Variants in S1PR2 observed in about 807,000 individuals in gnomAD.
S1PR2 encodes sphingosine 1-phosphate receptor 2.
A neutral mutation model predicts 16.1 loss-of-function variants in S1PR2; 9 were observed. The ratio of observed to expected loss-of-function variants is 0.56; its 90% CI spans 0.34 to 0.98. The LOEUF is 0.98. S1PR2 is among the 50% of genes least tolerant of loss of function. The pLI, the probability that S1PR2 is intolerant of heterozygous loss-of-function variation, is 0.02. For missense variants in S1PR2, 361 were observed against 488.4 expected (o/e 0.74, Z 2.46); for synonymous variants, 224 against 233.9 (o/e 0.96, Z 0.38).
In S1PR2 at chr19:10,224,534, C is replaced by T; in HGVS notation, c.372G>A (p.Leu124=). 1 of 1,613,854 alleles carries T rather than the reference C, an allele frequency of 6.2e-7. No individual in the cohort carries two copies. Among genetic ancestry groups the T allele is most frequent in the Non-Finnish European group, 8.5e-7 (1 of 1,180,050 alleles). The change falls in exon 2 of 2, where the codon CTG becomes CTA. Residue 124 remains leucine (L), a synonymous_variant. Coordinates refer to ENST00000646641, the MANE Select transcript of S1PR2 (RefSeq NM_004230.4). Reference sequence around the variant, plus strand: ...CCACGTGGCGCTCAATGGCGATGGCCAGGAGGCTGAAGACAGAGGCCGAGA... The same window carrying T: ...CCACGTGGCGCTCAATGGCGATGGCTAGGAGGCTGAAGACAGAGGCCGAGA... ...ITLSASVFSL[L]AIAIERHVAI... is the part of the protein sequence containing the mutation.
intron 1 of S1PR2, among the ~76,000 whole-genome samples, chr19:10,229,302 T>A (rs1048798108): frequency 1.5e-4 from 23 of 152,134 alleles, no homozygotes; most frequent in Middle Eastern, 3.4e-3. Context: ...AAAATTTTTT[T>A]TTTTTGAGAC....
At chr19:10,230,494 G>A (rs1039400180) in intron 1 of S1PR2, 1 of 154,574 alleles carries the variant, frequency 6.5e-6, no homozygotes, top group Non-Finnish European at 1.5e-5. Flanking sequence ...ATCTGACAAG[G>A]ACAGAGACAG....
chr19:10,223,184 A>C lies in S1PR2; in HGVS notation c.*660T>G. 1.0e-5 allele frequency: 1 copy of C among 95,818 alleles called. No individual in the cohort carries two copies. The highest frequency in any genetic ancestry group is 1.3e-4 in the Admixed American group (1 of 7,622). The allele number at this position is 95,818 out of a possible 1,614,324, so 5.9% of individuals were successfully genotyped here. A position where few individuals can be genotyped will look rare whatever the true frequency, so the allele number is the denominator to read the frequency against. ...ACTTCATCTCAAAAAAAAAAAAAAA[A>C]AAAAAAAAAAAAAAAAAAAAAGCCG... is the stretch of plus-strand genomic sequence containing the variant. On this transcript the variant is annotated 3_prime_UTR_variant, in exon 2 of 2. Coordinates refer to ENST00000646641, the MANE Select transcript of S1PR2 (RefSeq NM_004230.4).
At position 10,224,095 on chromosome 19, in the gene S1PR2, G is replaced by A. The variant is rs375937928; in HGVS notation, c.811C>T (p.His271Tyr). The change falls in exon 2 of 2, where the codon CAC (histidine) becomes TAC (tyrosine). Residue 271 changes from histidine to tyrosine, a missense_variant. By Grantham distance (83) the His-to-Tyr change is moderately conservative (BLOSUM62 2). Transcript: ENST00000646641. The part of the protein sequence containing the change: ...VHSCPILYKA[H>Y]YFFAVSTLNS... ...AGGGTGGAGACGGCGAAAAAGTAGT[G>A]GGCTTTGTAGAGGATCGGGCAGGAG... 1.9e-6 allele frequency: 3 copies of A among 1,605,796 alleles called. No individual in the cohort carries two copies. Among genetic ancestry groups the A allele is most frequent in the Non-Finnish European group, 2.5e-6 (3 of 1,180,000 alleles).
rs1221892668 is a variant in S1PR2, at chr19:10,230,874, C to A, written c.-43+330G>T. On this transcript the variant is annotated intron_variant, in intron 1 of 1. Transcript: ENST00000646641. ...AGCCAGGAGGGGTGTTGCCCCCCCC[C>A]AAACACACTCCCCAAGACCCCGGTC... Among the ~76,000 whole-genome samples, 3 of 152,180 alleles carry A rather than the reference C, an allele frequency of 2.0e-5. No homozygotes were observed. The South Asian group carries it at 6.2e-4, about 32-fold the overall frequency.
chr19:10,222,423 G>A lies in S1PR2; in HGVS notation c.*1421C>T, dbSNP rs752380059. 3.3e-5 allele frequency: 5 copies of A among 152,232 alleles called. No individual in the cohort carries two copies. The highest frequency in any genetic ancestry group is 6.6e-5 in the Admixed American group (1 of 15,236). 9.4% of individuals were successfully genotyped at this position (152,232 alleles called of 1,614,324 possible). A position where few individuals can be genotyped will look rare whatever the true frequency, so the allele number is the denominator to read the frequency against. On this transcript the variant is annotated 3_prime_UTR_variant, in exon 2 of 2. Coordinates refer to ENST00000646641, the MANE Select transcript of S1PR2 (RefSeq NM_004230.4). ...CAGGTGTGGAGCTGAGAATAGCTTG[G>A]GGGGTGGCTGTTTTTGAAAGGAGGG... is the stretch of plus-strand genomic sequence containing the variant.
At chr19:10,226,643 A>G (rs959928018) in intron 1 of S1PR2, among the ~76,000 whole-genome samples, 1 of 152,138 alleles carries the variant, frequency 6.6e-6, no homozygotes, top group African/African-American at 2.4e-5. Context: ...CCTGGGACAG[A>G]AGGTCCTGCC....
chr19:10,229,292 A>AG (rs200170566), intron 1 of S1PR2, among the ~76,000 whole-genome samples: 3,648 of 150,428 alleles, frequency 0.024, 131 homozygotes, highest in African/African-American at 0.086. Flanking sequence ...TCTCAAAAAA[A>AG]AAATTTTTTT....
rs1203730361 is a variant in S1PR2 at position 10,223,746 on chromosome 19, G to T, written c.*98C>A. 4.5e-6 allele frequency: 5 copies of T among 1,114,940 alleles called. No individual in the cohort carries two copies. The highest frequency in any genetic ancestry group is 6.4e-6 in the Non-Finnish European group (5 of 785,412). 69.1% of individuals were successfully genotyped at this position (1,114,940 alleles called of 1,614,324 possible). A position where few individuals can be genotyped will look rare whatever the true frequency, so the allele number is the denominator to read the frequency against. On this transcript the variant is annotated 3_prime_UTR_variant, in exon 2 of 2. Transcript: ENST00000646641. ...CATCACCCAGGTCTGTGGGGCGGGGGCATCTGGCTCAGTAGCCCCAAGTCT... is the reference window on the plus strand; with the variant it reads ...CATCACCCAGGTCTGTGGGGCGGGGTCATCTGGCTCAGTAGCCCCAAGTCT...
chr19:10,224,405 G>T lies in S1PR2; in HGVS notation c.501C>A (p.Ile167=). Residue 167 remains isoleucine, a synonymous_variant, in exon 2 of 2, where the codon ATC becomes ATA. Transcript: ENST00000646641. ...LISLVLGGLP[I]LGWNCLGHLE... is the part of the protein sequence containing the mutation. ...GGTGGCCCAGGCAGTTCCAGCCAAG[G>T]ATGGGCAGGCCACCGAGGACCAGCG... 2 of 1,613,812 alleles carry T rather than the reference G, an allele frequency of 1.2e-6. No homozygotes were observed. Among genetic ancestry groups the T allele is most frequent in the Non-Finnish European group, 1.7e-6 (2 of 1,180,028 alleles).
In S1PR2 at chr19:10,224,291, G is replaced by A. The variant is rs200948899; in HGVS notation, c.615C>T (p.Ile205=). The A allele has an allele frequency of 1.5e-5, 24 of 1,614,080 alleles. No homozygotes were observed. The highest frequency in any genetic ancestry group is 4.0e-5 in the African/African-American group (3 of 75,080). ...AGTAGATGCGCACGTACAGGGCCAC[G>A]ATGGCCAACAGGATGATGGAGAAGA... ...VTIFSIILLA[I]VALYVRIYCV... is the part of the protein sequence containing the mutation. Residue 205 remains isoleucine, a synonymous_variant, in exon 2 of 2, where the codon ATC becomes ATT. Coordinates refer to ENST00000646641, the MANE Select transcript of S1PR2 (RefSeq NM_004230.4).
At position 10,224,657 on chromosome 19, in the gene S1PR2, G is replaced by A. The variant is rs73922357; in HGVS notation, c.249C>T (p.Gly83=). The part of the protein sequence containing the change: ...GNLAASDLLA[G]VAFVANTLLS... ...GCAAGGTATTGGCTACGAAGGCCAC[G>A]CCTGCCAGTAGATCGGAGGCGGCCA... The change falls in exon 2 of 2, where the codon GGC becomes GGT. Residue 83 remains glycine (G), a synonymous_variant. Coordinates refer to ENST00000646641, the MANE Select transcript of S1PR2 (RefSeq NM_004230.4). 939 of 1,613,350 alleles carry A rather than the reference G, an allele frequency of 5.8e-4. 2 individuals carry two copies. In the African/African-American group the frequency reaches 0.01, roughly 18 times the overall value.
At chr19:10,230,243 C>G (rs2039663063) in intron 1 of S1PR2, among the ~76,000 whole-genome samples, 1 of 152,360 alleles carries the variant, frequency 6.6e-6, no homozygotes, top group Middle Eastern at 3.4e-3. Flanking sequence ...TCCACGCTCG[C>G]TCGCGCGGGA....
rs766020432 is a variant in S1PR2, at chr19:10,224,214, A to G, written c.692T>C (p.Leu231Pro). 8.1e-6 allele frequency: 13 copies of G among 1,612,986 alleles called. No individual in the cohort carries two copies. Among genetic ancestry groups the G allele is most frequent in the Non-Finnish European group, 1.1e-5 (13 of 1,180,038 alleles). The change falls in exon 2 of 2, where the codon CTG becomes CCG. Residue 231 changes from leucine (L) to proline (P), a missense_variant. Coordinates refer to ENST00000646641, the MANE Select transcript of S1PR2 (RefSeq NM_004230.4). ...TAGCACGATGGTGACCGTCTTGAGCAGGGCTAGCGTCTGCGGGGCGGCCAT... is the reference window on the plus strand; with the variant it reads ...TAGCACGATGGTGACCGTCTTGAGCGGGGCTAGCGTCTGCGGGGCGGCCAT... ...ADMAAPQTLA[L>P]LKTVTIVLGV...
intron 1 of S1PR2, among the ~76,000 whole-genome samples, chr19:10,229,057 A>G (rs1156781445): frequency 6.6e-6 from 1 of 151,934 alleles, no homozygotes; most frequent in Non-Finnish European, 1.5e-5. Flanking sequence ...TTCTCTACCA[A>G]GCAGCCAGGG....
intron 1 of S1PR2, among the ~76,000 whole-genome samples, chr19:10,230,880 C>T (rs2039672196): frequency 6.6e-6 from 1 of 152,114 alleles, no homozygotes. Flanking sequence ...CCCCCAAACA[C>T]ACTCCCCAAG....
chr19:10,223,807 C>T lies in S1PR2; in HGVS notation c.*37G>A, dbSNP rs560621469. The T allele has an allele frequency of 6.6e-7, 1 of 1,509,218 alleles. No individual in the cohort carries two copies. The highest frequency in any genetic ancestry group is 2.3e-5 in the Admixed American group (1 of 44,384). 93.5% of individuals were successfully genotyped at this position (1,509,218 alleles called of 1,614,324 possible). Reference sequence around the variant, plus strand: ...TCACCCAGTGGCCTCTCCATGAACCCCTCTGCCCTGGCCTGGTTGTTGGTC... The same window carrying T: ...TCACCCAGTGGCCTCTCCATGAACCTCTCTGCCCTGGCCTGGTTGTTGGTC... On this transcript the variant is annotated 3_prime_UTR_variant, in exon 2 of 2. Coordinates refer to ENST00000646641, the MANE Select transcript of S1PR2 (RefSeq NM_004230.4).
chr19:10,224,704 T>C lies in S1PR2; in HGVS notation c.202A>G (p.Met68Val). 1 of 1,613,998 alleles carries C rather than the reference T, an allele frequency of 6.2e-7. No individual in the cohort carries two copies. The highest frequency in any genetic ancestry group is 8.5e-7 in the Non-Finnish European group (1 of 1,179,848). ...GCCAGGTTGCCCAGAAACAGGTACATTGCCGAGTGGAACTTGCTGTTTCGG... is the reference window on the plus strand; with the variant it reads ...GCCAGGTTGCCCAGAAACAGGTACACTGCCGAGTGGAACTTGCTGTTTCGG... The part of the protein sequence containing the change: ...VARNSKFHSA[M>V]YLFLGNLAAS... Residue 68 changes from methionine to valine, a missense_variant, in exon 2 of 2, where the codon ATG (methionine) becomes GTG (valine). By Grantham distance (21) the Met-to-Val change is conservative. Coordinates refer to ENST00000646641, the MANE Select transcript of S1PR2 (RefSeq NM_004230.4).
intron 1 of S1PR2, among the ~76,000 whole-genome samples, chr19:10,230,955 C>T (rs2039672956): frequency 6.6e-6 from 1 of 152,350 alleles, no homozygotes; most frequent in South Asian, 2.1e-4. Flanking sequence ...TCGGATTCAG[C>T]CTTCTCCCCG....
Sources: gnomAD v4.1 joint callset for allele counts (sites outside exome capture counted in the v4.1 genomes callset) on GRCh38, gnomAD v4.1.1 for gene constraint, MANE v1.5 for transcripts, NCBI Gene and HGNC (gene_info 2026-07-23, HGNC 2026-07-21) for gene names.